Variants in SCRG1 observed in about 807,000 individuals in gnomAD.
The protein encoded by SCRG1 is scrapie-responsive protein 1.
SCRG1 carries 3 observed loss-of-function variants against 7.7 expected under a neutral mutation model. The observed-to-expected ratio is 0.39, with a 90% CI of 0.18 to 1.01. The LOEUF (loss-of-function observed/expected upper bound fraction) is 1.01, where lower values mean the gene tolerates loss of function less well. Among genes scored for constraint, SCRG1 ranks in the 50% least tolerant of loss-of-function variants. The pLI is 0.36. For missense variants in SCRG1, 110 were observed against 117.2 expected (o/e 0.94, Z 0.28); for synonymous variants, 46 against 41.2 (o/e 1.12, Z -0.44).
At chr4:173,452,239 GAAGAA>G in the SCRG1 span, among the ~76,000 whole-genome samples, 9 of 117,066 alleles carry the variant, frequency 7.7e-5, no homozygotes, top group East Asian at 7.2e-4. Context: ...TCATCTCAAA[GAAGAA>G]AAAAAAAAAG....
the SCRG1 span, among the ~76,000 whole-genome samples, chr4:173,496,973 G>T: frequency 0.24 from 36,703 of 151,864 alleles, 4,651 homozygotes; most frequent in South Asian, 0.43. Context: ...AGGTGTGGTG[G>T]TGGGCGCCTG....
chr4:173,483,249 C>A, the SCRG1 span, among the ~76,000 whole-genome samples: 173 of 52,238 alleles, frequency 3.3e-3, 2 homozygotes, highest in African/African-American at 9.8e-3. Flanking sequence ...TATGATATAT[C>A]ATATATGATA....
At chr4:173,389,238 T>TA (rs937095474) in intron 2 of SCRG1, among the ~76,000 whole-genome samples, 1 of 152,150 alleles carries the variant, frequency 6.6e-6, no homozygotes, top group African/African-American at 2.4e-5. Flanking sequence ...TGTTAAAACA[T>TA]AATTGCTGGG....
At chr4:173,427,977 G>A in the SCRG1 span, among the ~76,000 whole-genome samples, 4 of 152,152 alleles carry the variant, frequency 2.6e-5, no homozygotes, top group Non-Finnish European at 5.9e-5. Context: ...ATGTATAGAC[G>A]ACCTATGCAT....
chr4:173,420,247 C>CT, the SCRG1 span: 1 of 254,572 alleles, frequency 3.9e-6, no homozygotes, highest in Non-Finnish European at 7.8e-6. Context: ...CCTTGATCTA[C>CT]TTTTTTCTCT....
intron 2 of SCRG1, chr4:173,389,542 AAC>A (rs1739362860): frequency 5.4e-6 from 1 of 185,272 alleles, no homozygotes; most frequent in Non-Finnish European, 1.1e-5. Context: ...TCTCAAAACA[AAC>A]AAACAAACAA....
upstream of SCRG1, among the ~76,000 whole-genome samples, chr4:173,410,772 T>C (rs925986311): frequency 6.6e-6 from 1 of 152,216 alleles, no homozygotes; most frequent in Non-Finnish European, 1.5e-5. Flanking sequence ...ACTACTGGAC[T>C]TTTTAAAAAA....
intron 1 of SCRG1, among the ~76,000 whole-genome samples, chr4:173,397,197 C>G (rs1434532785): frequency 6.6e-6 from 1 of 152,150 alleles, no homozygotes; most frequent in African/African-American, 2.4e-5. Flanking sequence ...CCAGTGTGTT[C>G]CTGGGATACA....
At chr4:173,516,156 G>A in the SCRG1 span, among the ~76,000 whole-genome samples, 2 of 152,202 alleles carry the variant, frequency 1.3e-5, no homozygotes. Flanking sequence ...AAGTGAGTCT[G>A]GGTTTTGCTA....
the SCRG1 span, among the ~76,000 whole-genome samples, chr4:173,415,238 A>G: frequency 7.9e-4 from 121 of 152,342 alleles, 1 homozygote; most frequent in African/African-American, 2.8e-3. Flanking sequence ...GTGGCAAAAC[A>G]GGGTTTGCAA....
chr4:173,434,867 A>T, the SCRG1 span, among the ~76,000 whole-genome samples: 547 of 152,228 alleles, frequency 3.6e-3, 2 homozygotes, highest in African/African-American at 0.013. Context: ...AACTAAATTA[A>T]GTCTCAGGTT....
At chr4:173,433,640 T>C in the SCRG1 span, among the ~76,000 whole-genome samples, 1 of 152,336 alleles carries the variant, frequency 6.6e-6, no homozygotes, top group East Asian at 1.9e-4. Context: ...TTCTTTCTGT[T>C]TGCTTGCTGT....
intron 1 of SCRG1, among the ~76,000 whole-genome samples, chr4:173,394,202 C>A (rs749050226): frequency 2.6e-5 from 4 of 152,134 alleles, no homozygotes; most frequent in Middle Eastern, 3.4e-3. Flanking sequence ...GCTTTTCCCC[C>A]CTGCCTTGTC....
chr4:173,440,128 G>C, the SCRG1 span, among the ~76,000 whole-genome samples: 1 of 152,142 alleles, frequency 6.6e-6, no homozygotes, highest in African/African-American at 2.4e-5. Context: ...AGCGCTACAG[G>C]TTTCTTTTTG....
At chr4:173,416,302 C>A in the SCRG1 span, among the ~76,000 whole-genome samples, 1 of 152,262 alleles carries the variant, frequency 6.6e-6, no homozygotes, top group East Asian at 1.9e-4. Flanking sequence ...ACGGCTCAGA[C>A]GCCTGTGCGC....
At chr4:173,389,351 G>A (rs574138692) in intron 2 of SCRG1, among the ~76,000 whole-genome samples, 1 of 152,184 alleles carries the variant, frequency 6.6e-6, no homozygotes, top group Admixed American at 6.5e-5. Flanking sequence ...TGACCAACAC[G>A]GTGAAACCCC....
At chr4:173,484,348 AAT>A in the SCRG1 span, among the ~76,000 whole-genome samples, 222 of 86,502 alleles carry the variant, frequency 2.6e-3, 1 homozygote, top group African/African-American at 0.011. Context: ...CATATTATAT[AAT>A]ATATAATATA....
chr4:173,489,519 TTTTG>T, the SCRG1 span, among the ~76,000 whole-genome samples: 1 of 151,868 alleles, frequency 6.6e-6, no homozygotes, highest in Admixed American at 6.6e-5. Flanking sequence ...AATTTTTTTT[TTTTG>T]TTTGTTTGTT....
At chr4:173,456,353 C>T in the SCRG1 span, among the ~76,000 whole-genome samples, 1 of 152,246 alleles carries the variant, frequency 6.6e-6, no homozygotes, top group South Asian at 2.1e-4. Flanking sequence ...TATATCTTAA[C>T]ATTCAGTTGT....
Sources: gnomAD v4.1 joint callset for allele counts (sites outside exome capture counted in the v4.1 genomes callset) on GRCh38, gnomAD v4.1.1 for gene constraint, MANE v1.5 for transcripts, NCBI Gene and HGNC (gene_info 2026-07-23, HGNC 2026-07-21) for gene names.